The following SLC25A48 variants were observed in gnomAD, a reference collection of about 807,000 sequenced individuals.
SLC25A48 encodes the protein solute carrier family 25 member 48.
A neutral mutation model predicts 32.2 loss-of-function variants in SLC25A48; 29 were observed. That is an observed-to-expected ratio of 0.90 (90% CI 0.67 to 1.23). The LOEUF (loss-of-function observed/expected upper bound fraction) is 1.23. Ranked by LOEUF, SLC25A48 falls within the 50% of genes most tolerant of loss-of-function variation. The pLI is 0.00. For missense variants in SLC25A48, 399 were observed against 422.7 expected, an observed-to-expected ratio of 0.94 and a Z score of 0.49; for synonymous variants, 164 against 172.3, an observed-to-expected ratio of 0.95 and a Z score of 0.38.
At chr5:135,638,986 CT>C (rs1183328354) in intron 3 of SLC25A48, among the ~76,000 whole-genome samples, 1 of 152,168 alleles carries the variant, frequency 6.6e-6, no homozygotes, top group Non-Finnish European at 1.5e-5. Flanking sequence ...CCTTCTTCTT[CT>C]AACTAAATGG....
chr5:135,878,737 A>T (rs25897), intron 6 of SLC25A48, among the ~76,000 whole-genome samples: 30,458 of 152,152 alleles, frequency 0.2, 5,261 homozygotes, highest in African/African-American at 0.47. Context: ...TCTGTTTCTT[A>T]AACTTAGAAA....
At chr5:135,772,264 G>A (rs950133825) in intron 3 of SLC25A48, among the ~76,000 whole-genome samples, 3 of 151,300 alleles carry the variant, frequency 2.0e-5, no homozygotes, top group African/African-American at 4.9e-5. Context: ...TATCAAGGGG[G>A]GAGAGAGGAT....
chr5:135,632,019 A>C (rs801577), intron 2 of SLC25A48, among the ~76,000 whole-genome samples: 1 of 152,220 alleles, frequency 6.6e-6, no homozygotes, highest in African/African-American at 2.4e-5. Flanking sequence ...CCCTCTACCT[A>C]TGTGGTTCTT....
chr5:135,823,717 T>C (rs1757950803), intron 4 of SLC25A48, among the ~76,000 whole-genome samples: 1 of 151,946 alleles, frequency 6.6e-6, no homozygotes. Context: ...ATGAGGGTGG[T>C]GGCAGTCATG....
intron 3 of SLC25A48, among the ~76,000 whole-genome samples, chr5:135,805,064 A>G (rs1757430570): frequency 6.6e-6 from 1 of 151,558 alleles, no homozygotes; most frequent in African/African-American, 2.4e-5. Context: ...TACTCCTAAT[A>G]TCACAGTTGG....
intron 3 of SLC25A48, among the ~76,000 whole-genome samples, chr5:135,689,443 C>T (rs1052083728): frequency 6.6e-6 from 1 of 152,150 alleles, no homozygotes; most frequent in Non-Finnish European, 1.5e-5. Context: ...AGCACCGGCA[C>T]CTGGTGACAG....
At chr5:135,694,014 C>T (rs535861681) in intron 3 of SLC25A48, among the ~76,000 whole-genome samples, 53 of 152,292 alleles carry the variant, frequency 3.5e-4, no homozygotes, top group African/African-American at 1.2e-3. Context: ...TGAAAGGCTG[C>T]GATGAGGGTG....
intron 3 of SLC25A48, among the ~76,000 whole-genome samples, chr5:135,675,554 G>T (rs1337061066): frequency 1.3e-5 from 2 of 151,946 alleles, no homozygotes; most frequent in Non-Finnish European, 2.9e-5. Flanking sequence ...CTGTCCCATT[G>T]GTCTACATGT....
rs760759718 is a variant in SLC25A48, at chr5:135,829,609, A to C, written c.-116-12807A>C. On this transcript the variant is annotated intron_variant, in intron 4 of 10. Coordinates refer to the SLC25A48 transcript ENST00000646290. ...TTAAACTGTTGCAGGAGTCCTATGA[A>C]TATGGCACAGTTGGACAGTGTTAGT... Among the ~76,000 whole-genome samples the C allele has an allele frequency of 4.2e-5, 6 of 144,458 alleles. 1 individual carries two copies. The highest frequency in any genetic ancestry group is 7.6e-5 in the African/African-American group (3 of 39,664). The allele number at this position is 144,458 out of a possible 152,430, so 94.8% of individuals were successfully genotyped here. A position where few individuals can be genotyped will look rare whatever the true frequency, so the allele number is the denominator to read the frequency against.
intron 3 of SLC25A48, among the ~76,000 whole-genome samples, chr5:135,659,729 G>T (rs1753344564): frequency 6.6e-6 from 1 of 152,202 alleles, no homozygotes; most frequent in Non-Finnish European, 1.5e-5. Context: ...GCCTGGGGAA[G>T]CCTCAGGAAA....
At chr5:135,661,248 C>T (rs916261067) in intron 3 of SLC25A48, among the ~76,000 whole-genome samples, 3 of 152,194 alleles carry the variant, frequency 2.0e-5, no homozygotes, top group Admixed American at 1.3e-4. Flanking sequence ...TAGGCAGATG[C>T]GGGGAGAGAC....
intron 3 of SLC25A48, among the ~76,000 whole-genome samples, chr5:135,773,437 C>T (rs892782508): frequency 6.0e-5 from 9 of 150,994 alleles, no homozygotes; most frequent in African/African-American, 1.9e-4. Flanking sequence ...CTCGCAATAA[C>T]GCAGGGGGTG....
chr5:135,834,583 C>G (rs930821022), upstream of SLC25A48: 13 of 444,654 alleles, frequency 2.9e-5, no homozygotes, highest in African/African-American at 2.2e-4. Flanking sequence ...TGGGATGAGC[C>G]GCGCGGAGCG....
intron 3 of SLC25A48, among the ~76,000 whole-genome samples, chr5:135,704,461 T>A (rs1754464340): frequency 1.3e-5 from 2 of 152,176 alleles, no homozygotes; most frequent in South Asian, 2.1e-4. Context: ...GGCCCAGAGA[T>A]GTGTGGTCTT....
chr5:135,752,198 G>A (rs1413782395), intron 3 of SLC25A48, among the ~76,000 whole-genome samples: 6 of 152,138 alleles, frequency 3.9e-5, no homozygotes, highest in African/African-American at 1.4e-4. Context: ...ATTAAGAATG[G>A]CTCTTCAAAA....
At chr5:135,730,941 G>A (rs1392900403) in intron 3 of SLC25A48, among the ~76,000 whole-genome samples, 1 of 152,210 alleles carries the variant, frequency 6.6e-6, no homozygotes, top group African/African-American at 2.4e-5. Context: ...CATAAACTGA[G>A]ATCTTCCGGC....
intron 7 of SLC25A48, among the ~76,000 whole-genome samples, chr5:135,880,682 C>T (rs1042453276): frequency 6.6e-6 from 1 of 152,198 alleles, no homozygotes; most frequent in Non-Finnish European, 1.5e-5. Context: ...CTTGGCTCCC[C>T]ATTGCCCTCT....
In SLC25A48 at chr5:135,728,877, CACACACAT is replaced by C. The variant is rs1277288544; in HGVS notation, c.-520-83638_-520-83631del. On this transcript the variant is annotated intron_variant, in intron 3 of 10. Coordinates refer to the SLC25A48 transcript ENST00000646290. ...ACACACACACACACACACACACACA[CACACACAT>C]ACACACACACCCCAAGGCTTGGATA... 1.8e-3 allele frequency among the ~76,000 whole-genome samples: 270 copies of C among 150,000 alleles called. 2 individuals carry two copies. The highest frequency in any genetic ancestry group is 6.6e-3 in the African/African-American group (265 of 40,318).
At chr5:135,769,332 G>A (rs1010615235) in intron 3 of SLC25A48, among the ~76,000 whole-genome samples, 1 of 150,560 alleles carries the variant, frequency 6.6e-6, no homozygotes, top group Non-Finnish European at 1.5e-5. Flanking sequence ...GATATTGTTG[G>A]TAATTTCCAG....
Sources: gnomAD v4.1 joint callset for allele counts (sites outside exome capture counted in the v4.1 genomes callset) on GRCh38, gnomAD v4.1.1 for gene constraint, MANE v1.5 for transcripts, NCBI Gene and HGNC (gene_info 2026-07-23, HGNC 2026-07-21) for gene names.